Variants in METTL25 observed in about 807,000 individuals in gnomAD.
METTL25 encodes the protein probable methyltransferase-like protein 25.
In METTL25, 64 loss-of-function variants were observed where a neutral mutation model predicts 71.6. The ratio of observed to expected loss-of-function variants is 0.89; its 90% CI spans 0.73 to 1.10. The LOEUF is 1.10. METTL25 is among the 50% of genes least tolerant of loss of function. The probability of loss-of-function intolerance (pLI) is 0.00; values close to 1 mark genes in which losing one functional copy is unlikely to be tolerated. For missense variants in METTL25, 807 were observed against 707.0 expected (o/e 1.14, Z -1.60); for synonymous variants, 287 against 250.3 (o/e 1.15, Z -1.38).
chr12:82,445,583 T>G (rs1329514555), intron 8 of METTL25, among the ~76,000 whole-genome samples: 2 of 152,194 alleles, frequency 1.3e-5, no homozygotes, highest in African/African-American at 2.4e-5. Flanking sequence ...TTCTTGTCTA[T>G]TTTTCGTTGT....
At chr12:82,423,001 C>G (rs1190813992) in intron 5 of METTL25, among the ~76,000 whole-genome samples, 1 of 152,140 alleles carries the variant, frequency 6.6e-6, no homozygotes, top group Non-Finnish European at 1.5e-5. Flanking sequence ...ATTGCCATCC[C>G]CATCAAACTA....
chr12:82,402,528 C>G (rs1258968906), intron 4 of METTL25, among the ~76,000 whole-genome samples: 2 of 151,824 alleles, frequency 1.3e-5, no homozygotes, highest in East Asian at 3.9e-4. Context: ...GAAAAAAATT[C>G]AAAAGTTGTA....
chr12:82,385,073 A>G (rs1326871669), intron 1 of METTL25, among the ~76,000 whole-genome samples: 1 of 152,128 alleles, frequency 6.6e-6, no homozygotes, highest in Non-Finnish European at 1.5e-5. Flanking sequence ...TACATCATTC[A>G]CAACATATAT....
At chr12:82,379,837 A>C (rs767018151) in intron 1 of METTL25, among the ~76,000 whole-genome samples, 1 of 152,160 alleles carries the variant, frequency 6.6e-6, no homozygotes, top group African/African-American at 2.4e-5. Flanking sequence ...GGTGCAGTTC[A>C]TCCATCCTTA....
rs1017729351 is a variant in METTL25 at position 82,398,992 on chromosome 12, A to G, written c.729A>G (p.Ala243=). The part of the protein sequence containing the change: ...LDVNGLALKM[A]KERKVQNKVK... ...TCAATGGACTAGCATTAAAAATGGCAAAAGAAAGGAAAGTGCAAAATAAAG... is the reference window on the plus strand; with the variant it reads ...TCAATGGACTAGCATTAAAAATGGCGAAAGAAAGGAAAGTGCAAAATAAAG... Residue 243 remains alanine (A), a synonymous_variant, in exon 4 of 12, where the codon GCA becomes GCG. Coordinates refer to ENST00000248306, the MANE Select transcript of METTL25 (RefSeq NM_032230.3). 1.9e-6 allele frequency: 3 copies of G among 1,609,026 alleles called. No homozygotes were observed. Among genetic ancestry groups the G allele is most frequent in the Non-Finnish European group, 2.5e-6 (3 of 1,177,870 alleles).
chr12:82,387,171 T>G (rs1885118119), intron 2 of METTL25, among the ~76,000 whole-genome samples: 1 of 152,138 alleles, frequency 6.6e-6, no homozygotes, highest in African/African-American at 2.4e-5. Flanking sequence ...TCCACATTTT[T>G]TTCTTGTAAC....
chr12:82,360,868 T>TCCA (rs2136782075), intron 1 of METTL25, among the ~76,000 whole-genome samples: 1 of 152,264 alleles, frequency 6.6e-6, no homozygotes, highest in East Asian at 1.9e-4. Flanking sequence ...CCTTCTGATG[T>TCCA]TTGGATGTGT....
chr12:82,384,432 A>G (rs1291109959), intron 1 of METTL25, among the ~76,000 whole-genome samples: 2 of 110,010 alleles, frequency 1.8e-5, no homozygotes, highest in African/African-American at 3.6e-5. Context: ...CTCTCTCTGA[A>G]TCTTTAAAAA....
chr12:82,436,901 T>C (rs1889959074), intron 7 of METTL25, among the ~76,000 whole-genome samples: 1 of 151,636 alleles, frequency 6.6e-6, no homozygotes, highest in South Asian at 2.1e-4. Context: ...AATATTTAAA[T>C]TCATGCAATA....
chr12:82,384,780 T>A (rs751166764), intron 1 of METTL25, among the ~76,000 whole-genome samples: 1 of 152,154 alleles, frequency 6.6e-6, no homozygotes, highest in Non-Finnish European at 1.5e-5. Flanking sequence ...AACGTTTACA[T>A]TTCCAACAGA....
At chr12:82,368,188 T>A (rs367716341) in intron 1 of METTL25, among the ~76,000 whole-genome samples, 2 of 152,234 alleles carry the variant, frequency 1.3e-5, no homozygotes, top group African/African-American at 4.8e-5. Flanking sequence ...GGCATTTAAC[T>A]GTAGGGCTCA....
At chr12:82,411,406 G>C (rs1368469994) in intron 5 of METTL25, among the ~76,000 whole-genome samples, 1 of 151,964 alleles carries the variant, frequency 6.6e-6, no homozygotes, top group Non-Finnish European at 1.5e-5. Context: ...TATATGATAG[G>C]AAACACTAAG....
At chr12:82,456,261 A>T (rs757128065) in intron 8 of METTL25, among the ~76,000 whole-genome samples, 5 of 151,922 alleles carry the variant, frequency 3.3e-5, no homozygotes, top group Non-Finnish European at 7.4e-5. Context: ...GCAGGGCATA[A>T]ATGAGATCAA....
intron 1 of METTL25, among the ~76,000 whole-genome samples, chr12:82,374,644 T>G (rs1457373642): frequency 6.6e-6 from 1 of 152,234 alleles, no homozygotes; most frequent in East Asian, 1.9e-4. Flanking sequence ...GATTCACCTC[T>G]GTTTGTTGAA....
intron 9 of METTL25, among the ~76,000 whole-genome samples, chr12:82,460,952 G>A (rs767931282): frequency 5.9e-5 from 9 of 152,142 alleles, no homozygotes; most frequent in Non-Finnish European, 1.3e-4. Flanking sequence ...GACCATCCTG[G>A]CTAACACAGT....
At chr12:82,457,296 G>A (rs1891561647) in intron 9 of METTL25, among the ~76,000 whole-genome samples, 1 of 149,170 alleles carries the variant, frequency 6.7e-6, no homozygotes, top group African/African-American at 2.5e-5. Context: ...AGGTAAACTT[G>A]TTGACTGATA....
chr12:82,427,538 C>T (rs1339976564), intron 5 of METTL25, among the ~76,000 whole-genome samples: 2 of 151,848 alleles, frequency 1.3e-5, no homozygotes, highest in Non-Finnish European at 2.9e-5. Flanking sequence ...GAGGGAAGAC[C>T]TCTCTGCCTG....
chr12:82,415,205 G>A (rs1023259105), intron 5 of METTL25, among the ~76,000 whole-genome samples: 5 of 152,050 alleles, frequency 3.3e-5, no homozygotes, highest in African/African-American at 4.8e-5. Flanking sequence ...ATGTTTTAAT[G>A]TAGATATGAC....
intron 1 of METTL25, among the ~76,000 whole-genome samples, chr12:82,366,880 A>C (rs1882636221): frequency 6.6e-6 from 1 of 152,218 alleles, no homozygotes; most frequent in African/African-American, 2.4e-5. Flanking sequence ...ATGTAAAAAT[A>C]ATATTACATT....
Sources: gnomAD v4.1 joint callset for allele counts (sites outside exome capture counted in the v4.1 genomes callset) on GRCh38, gnomAD v4.1.1 for gene constraint, MANE v1.5 for transcripts, NCBI Gene and HGNC (gene_info 2026-07-23, HGNC 2026-07-21) for gene names.